The following IL1RAPL1 variants were observed in gnomAD, a reference collection of about 807,000 sequenced individuals.
IL1RAPL1 encodes the protein interleukin-1 receptor accessory protein-like 1.
In IL1RAPL1, 3 loss-of-function variants were observed where a neutral mutation model predicts 48.4. That is an observed-to-expected ratio of 0.06 (90% CI 0.03 to 0.16). The LOEUF (loss-of-function observed/expected upper bound fraction) is 0.16. Among genes scored for constraint, IL1RAPL1 ranks in the 10% least tolerant of loss-of-function variants. IL1RAPL1 has a pLI of 1.00. For missense variants in IL1RAPL1, 349 were observed against 530.6 expected (o/e 0.66, Z 3.36); for synonymous variants, 185 against 187.7 (o/e 0.99, Z 0.12).
At chrX:29,030,393 T>C (rs1926590185) in intron 2 of IL1RAPL1, among the ~76,000 whole-genome samples, 1 of 111,768 alleles carries the variant, frequency 8.9e-6, no homozygotes, top group Admixed American at 9.5e-5. Context: ...TATGTATTTC[T>C]ATTTATTTGG....
At chrX:29,408,701 C>T (rs1934105071) in intron 5 of IL1RAPL1, among the ~76,000 whole-genome samples, 1 of 111,902 alleles carries the variant, frequency 8.9e-6, no homozygotes, top group South Asian at 3.7e-4. Flanking sequence ...TCCCAATCGA[C>T]CACAGACTGA....
intron 1 of IL1RAPL1, among the ~76,000 whole-genome samples, chrX:28,607,331 T>A (rs1934094803): frequency 9.0e-6 from 1 of 111,250 alleles, no homozygotes; most frequent in Non-Finnish European, 1.9e-5. Context: ...TTTCTTCTTC[T>A]ACTAAAAATA....
At chrX:29,248,910 T>G (rs1931561848) in intron 2 of IL1RAPL1, among the ~76,000 whole-genome samples, 1 of 112,242 alleles carries the variant, frequency 8.9e-6, no homozygotes, top group Non-Finnish European at 1.9e-5. Flanking sequence ...GATTGGAAAT[T>G]ACTGACATAT....
chrX:28,591,095 C>T (rs899059118), intron 1 of IL1RAPL1, among the ~76,000 whole-genome samples: 20 of 111,704 alleles, frequency 1.8e-4, no homozygotes, highest in Non-Finnish European at 3.2e-4. Context: ...TGAAATGTAA[C>T]ATCTATTTTC....
chrX:28,830,503 T>C (rs193159460), intron 2 of IL1RAPL1, among the ~76,000 whole-genome samples: 2 of 111,999 alleles, frequency 1.8e-5, no homozygotes, highest in Non-Finnish European at 1.9e-5. Flanking sequence ...CTTTATTTAA[T>C]TTTTATCTCT....
chrX:29,273,548 G>A (rs1305955256), intron 2 of IL1RAPL1, among the ~76,000 whole-genome samples: 2 of 111,992 alleles, frequency 1.8e-5, no homozygotes, highest in African/African-American at 6.5e-5. Flanking sequence ...ACAACACGCT[G>A]TTGGAGAGTG....
intron 2 of IL1RAPL1, among the ~76,000 whole-genome samples, chrX:29,231,407 C>T (rs747319398): frequency 1.1e-3 from 121 of 111,935 alleles, no homozygotes; most frequent in Non-Finnish European, 1.9e-3. Context: ...TTAGGTTGAA[C>T]ATTTTGGCAA....
chrX:29,046,174 AGTT>A (rs956428247), intron 2 of IL1RAPL1, among the ~76,000 whole-genome samples: 1 of 109,193 alleles, frequency 9.2e-6, no homozygotes, highest in Non-Finnish European at 1.9e-5. Context: ...CAGCTTCCTG[AGTT>A]GCTGGGACTA....
chrX:28,602,034 G>A (rs1177101573), intron 1 of IL1RAPL1, among the ~76,000 whole-genome samples: 5 of 107,644 alleles, frequency 4.6e-5, no homozygotes, highest in Non-Finnish European at 1.9e-5. Context: ...GAACCTGGGA[G>A]GCGGAGGTTA....
At chrX:29,877,529 C>T (rs1024855774) in intron 6 of IL1RAPL1, among the ~76,000 whole-genome samples, 5 of 111,302 alleles carry the variant, frequency 4.5e-5, no homozygotes, top group Non-Finnish European at 3.8e-5. Flanking sequence ...AATATTCTAC[C>T]GAAAAGGGTG....
At chrX:28,755,944 G>A (rs1489531899) in intron 1 of IL1RAPL1, among the ~76,000 whole-genome samples, 2 of 111,326 alleles carry the variant, frequency 1.8e-5, no homozygotes, top group Non-Finnish European at 3.8e-5. Context: ...TCGTTCTGGG[G>A]GCTCCTACCC....
intron 1 of IL1RAPL1, among the ~76,000 whole-genome samples, chrX:28,760,658 C>T (rs1431321834): frequency 8.9e-6 from 1 of 111,773 alleles, no homozygotes; most frequent in Non-Finnish European, 1.9e-5. Context: ...AAATATACTT[C>T]AGTCTATTCA....
chrX:29,727,143 C>T lies in IL1RAPL1; in HGVS notation c.778+58639C>T, dbSNP rs1184652657. ...AACAATGGGGTTTTGTATGATTCTGCTCTTTCTTCCAGAAATACAAAAAAA... is the reference window on the plus strand; with the variant it reads ...AACAATGGGGTTTTGTATGATTCTGTTCTTTCTTCCAGAAATACAAAAAAA... On this transcript the variant is annotated intron_variant, in intron 6 of 10. Coordinates refer to ENST00000378993, the MANE Select transcript of IL1RAPL1 (RefSeq NM_014271.4). Among the ~76,000 whole-genome samples, 4 of 111,742 alleles carry T rather than the reference C, an allele frequency of 3.6e-5. No individual in the cohort carries two copies. The Admixed American group carries it at 3.8e-4, about 11-fold the overall frequency.
At chrX:28,930,785 G>A (rs1356447752) in intron 2 of IL1RAPL1, among the ~76,000 whole-genome samples, 1 of 111,306 alleles carries the variant, frequency 9.0e-6, no homozygotes, top group Non-Finnish European at 1.9e-5. Flanking sequence ...GGGACTACAG[G>A]CACCTGCCAC....
chrX:29,257,904 G>A (rs1312330695), intron 2 of IL1RAPL1, among the ~76,000 whole-genome samples: 1 of 111,619 alleles, frequency 9.0e-6, no homozygotes, highest in African/African-American at 3.2e-5. Context: ...TTTCCAAAAA[G>A]CAATGTATCC....
chrX:29,264,081 A>T (rs925102652), intron 2 of IL1RAPL1, among the ~76,000 whole-genome samples: 1 of 110,278 alleles, frequency 9.1e-6, no homozygotes, highest in Non-Finnish European at 1.9e-5. Flanking sequence ...ATATATATAT[A>T]TTTTCTTTAG....
chrX:29,351,558 G>A (rs1040860750), intron 3 of IL1RAPL1, among the ~76,000 whole-genome samples: 7 of 112,253 alleles, frequency 6.2e-5, no homozygotes, highest in African/African-American at 2.3e-4. Flanking sequence ...TCATTTTCAT[G>A]CCGAAAGGTT....
intron 6 of IL1RAPL1, among the ~76,000 whole-genome samples, chrX:29,770,355 T>A (rs186619340): frequency 9.6e-4 from 108 of 112,186 alleles, no homozygotes; most frequent in African/African-American, 3.4e-3. Context: ...GCTTTTTTTT[T>A]AATAACTTGT....
chrX:28,794,711 G>A (rs1336558814), intron 2 of IL1RAPL1, among the ~76,000 whole-genome samples: 2 of 111,812 alleles, frequency 1.8e-5, no homozygotes, highest in African/African-American at 3.3e-5. Context: ...GCCTCAAAAG[G>A]TTTTCCTAAA....
Sources: gnomAD v4.1 joint callset for allele counts (sites outside exome capture counted in the v4.1 genomes callset) on GRCh38, gnomAD v4.1.1 for gene constraint, MANE v1.5 for transcripts, NCBI Gene and HGNC (gene_info 2026-07-23, HGNC 2026-07-21) for gene names.